Variants in PCGF5 observed in about 807,000 individuals in gnomAD.
The protein encoded by PCGF5 is polycomb group RING finger protein 5.
A neutral mutation model predicts 44.3 loss-of-function variants in PCGF5; 9 were observed. The ratio of observed to expected loss-of-function variants is 0.20; its 90% CI spans 0.12 to 0.35. The LOEUF (loss-of-function observed/expected upper bound fraction) is 0.35, where lower values mean the gene tolerates loss of function less well. Among genes scored for constraint, PCGF5 ranks in the 10% least tolerant of loss-of-function variants. The pLI, the probability that PCGF5 is intolerant of heterozygous loss-of-function variation, is 1.00. For synonymous variants in PCGF5, 95 were observed against 102.5 expected (o/e 0.93, Z 0.44); for missense variants, 146 against 305.3 (o/e 0.48, Z 3.89).
At chr10:91,200,643 T>A (rs1220807677) in intron 1 of PCGF5, among the ~76,000 whole-genome samples, 1 of 152,114 alleles carries the variant, frequency 6.6e-6, no homozygotes, top group Non-Finnish European at 1.5e-5. Context: ...AGTGGGAGAT[T>A]TGAACATAAT....
chr10:91,244,752 A>G (rs140757414), intron 3 of PCGF5, among the ~76,000 whole-genome samples: 16 of 152,268 alleles, frequency 1.1e-4, no homozygotes, highest in African/African-American at 3.6e-4. Flanking sequence ...TGGATTGGAT[A>G]TAGGATATGG....
chr10:91,202,660 T>C lies in PCGF5; in HGVS notation c.-183-20029T>C, dbSNP rs536061270. 3.9e-5 allele frequency among the ~76,000 whole-genome samples: 6 copies of C among 152,310 alleles called. No individual in the cohort carries two copies. The East Asian group carries it at 1.2e-3, about 29-fold the overall frequency. ...TCCTTAGAAGCCTTGAAAACTTCCT[T>C]CTTGTACTTAATTGGTTTCAGTAAA... is the stretch of plus-strand genomic sequence containing the variant. On this transcript the variant is annotated intron_variant, in intron 1 of 9. Transcript: ENST00000614189.
At chr10:91,220,509 A>AGCTGCACCTGCGAGCAGCGCG (rs1844638665), upstream of PCGF5, 1 of 152,226 alleles carries the variant, frequency 6.6e-6, no homozygotes, top group Non-Finnish European at 1.5e-5. Flanking sequence ...CGAGCAGCGC[A>AGCTGCACCTGCGAGCAGCGCG]GGCGGCAGGC....
chr10:91,208,866 C>G (rs1294712170), intron 1 of PCGF5, among the ~76,000 whole-genome samples: 1 of 152,196 alleles, frequency 6.6e-6, no homozygotes, highest in Admixed American at 6.5e-5. Context: ...GTTAGTCAAA[C>G]CAAACTTTAT....
At chr10:91,242,553 A>G (rs762488977) in intron 3 of PCGF5, among the ~76,000 whole-genome samples, 1 of 152,140 alleles carries the variant, frequency 6.6e-6, no homozygotes, top group African/African-American at 2.4e-5. Context: ...GTCACTGTTT[A>G]ATCAAACCCG....
intron 2 of PCGF5, chr10:91,227,461 A>C: frequency 7.8e-7 from 1 of 1,287,548 alleles, no homozygotes; most frequent in East Asian, 5.6e-5. Flanking sequence ...TCCATGCTTG[A>C]CTCTTTACCC....
intron 1 of PCGF5, among the ~76,000 whole-genome samples, chr10:91,188,137 A>G (rs1292646701): frequency 2.6e-5 from 4 of 152,200 alleles, no homozygotes; most frequent in Admixed American, 2.6e-4. Flanking sequence ...GACGCAGAAG[A>G]CGGGTGATTT....
At chr10:91,189,106 A>C (rs1360828794) in intron 1 of PCGF5, among the ~76,000 whole-genome samples, 3 of 152,240 alleles carry the variant, frequency 2.0e-5, no homozygotes, top group Non-Finnish European at 4.4e-5. Context: ...GCCAGGGCTG[A>C]CTAAGACATT....
At position 91,282,105 on chromosome 10, in the gene PCGF5, G is replaced by T. The variant is rs1393756128; in HGVS notation, c.*3789G>T. 1 of 152,170 alleles carries T rather than the reference G, an allele frequency of 6.6e-6. No homozygotes were observed. The highest frequency in any genetic ancestry group is 1.5e-5 in the Non-Finnish European group (1 of 68,038). The allele number at this position is 152,170 out of a possible 1,614,324, so 9.4% of individuals were successfully genotyped here. On this transcript the variant is annotated 3_prime_UTR_variant, in exon 10 of 10. Coordinates refer to ENST00000336126, the MANE Select transcript of PCGF5 (RefSeq NM_032373.5). ...CCAACACACTTACTTGTATAGAAAA[G>T]ACTTCATTCTATGGGATTTATATAA... is the stretch of plus-strand genomic sequence containing the variant.
chr10:91,251,450 C>G lies in PCGF5; in HGVS notation c.474+10C>G, dbSNP rs1845621795. On this transcript the variant is annotated intron_variant, in intron 6 of 9. Coordinates refer to ENST00000336126, the MANE Select transcript of PCGF5 (RefSeq NM_032373.5). Reference sequence around the variant, plus strand: ...GGACAATGTAGTAAAGGTGAGTGAACAAGTACTATGGTATTTTTATGATCA... The same window carrying G: ...GGACAATGTAGTAAAGGTGAGTGAAGAAGTACTATGGTATTTTTATGATCA... 6.2e-7 allele frequency: 1 copy of G among 1,607,808 alleles called. No individual in the cohort carries two copies. The highest frequency in any genetic ancestry group is 8.5e-7 in the Non-Finnish European group (1 of 1,175,986).
upstream of PCGF5, among the ~76,000 whole-genome samples, chr10:91,162,646 G>C (rs889911830): frequency 6.6e-6 from 1 of 151,544 alleles, no homozygotes; most frequent in Non-Finnish European, 1.5e-5. Flanking sequence ...CAGCCGCCGC[G>C]GCTCGTCCCC....
upstream of PCGF5, among the ~76,000 whole-genome samples, chr10:91,162,107 G>A (rs1022202288): frequency 1.3e-5 from 2 of 152,020 alleles, no homozygotes; most frequent in African/African-American, 4.8e-5. Flanking sequence ...TCAAAATAAA[G>A]TGTCAAAGGA....
At chr10:91,206,885 C>G (rs548829007) in intron 1 of PCGF5, among the ~76,000 whole-genome samples, 1 of 152,314 alleles carries the variant, frequency 6.6e-6, no homozygotes, top group South Asian at 2.1e-4. Flanking sequence ...CTAAATCCTT[C>G]TCTCACCTCC....
intron 1 of PCGF5, among the ~76,000 whole-genome samples, chr10:91,178,503 T>C (rs1006540152): frequency 2.0e-5 from 3 of 151,528 alleles, no homozygotes; most frequent in Non-Finnish European, 4.4e-5. Context: ...AATACCCCCA[T>C]CACAGCCTCC....
intron 1 of PCGF5, among the ~76,000 whole-genome samples, chr10:91,191,481 A>G (rs1448982450): frequency 6.6e-6 from 1 of 152,240 alleles, no homozygotes; most frequent in African/African-American, 2.4e-5. Flanking sequence ...TTTCCATTTA[A>G]TATTTTTGGA....
chr10:91,231,838 G>A (rs1001774951), intron 2 of PCGF5, among the ~76,000 whole-genome samples: 6 of 152,170 alleles, frequency 3.9e-5, no homozygotes, highest in African/African-American at 1.4e-4. Context: ...TTGCATCAAG[G>A]TGGTGGTAAA....
chr10:91,178,455 T>C (rs1462210385), intron 1 of PCGF5, among the ~76,000 whole-genome samples: 1 of 151,482 alleles, frequency 6.6e-6, no homozygotes, highest in Non-Finnish European at 1.5e-5. Flanking sequence ...AGTGGTGTGA[T>C]TATAGCTCAC....
At position 91,264,385 on chromosome 10, in the gene PCGF5, T is replaced by C. The variant is rs752183492; in HGVS notation, c.574-46T>C. The C allele has an allele frequency of 2.8e-6, 4 of 1,427,578 alleles. 1 individual carries two copies. The highest frequency in any genetic ancestry group is 2.7e-5 in the South Asian group (2 of 75,026). The allele number at this position is 1,427,578 out of a possible 1,614,324, so 88.4% of individuals were successfully genotyped here. On this transcript the variant is annotated intron_variant, in intron 7 of 9. Transcript: ENST00000336126. ...TTTCAAAAAATATGCAAAATACTTT[T>C]GAATTCAACATTATGTTAATAGATC...
chr10:91,249,082 T>C (rs1454872108), intron 5 of PCGF5, among the ~76,000 whole-genome samples: 1 of 151,982 alleles, frequency 6.6e-6, no homozygotes, highest in Non-Finnish European at 1.5e-5. Flanking sequence ...TTTTTTGTTT[T>C]ATTTTGTATG....
Sources: gnomAD v4.1 joint callset for allele counts (sites outside exome capture counted in the v4.1 genomes callset) on GRCh38, gnomAD v4.1.1 for gene constraint, MANE v1.5 for transcripts, NCBI Gene and HGNC (gene_info 2026-07-23, HGNC 2026-07-21) for gene names.